CLYBL: variants seen among roughly 807,000 people sequenced by gnomAD.
The protein encoded by CLYBL is citramalyl-CoA lyase, also known as citramalyl-CoA lyase, mitochondrial.
Under a neutral mutation model 38.9 loss-of-function variants are expected in CLYBL, and 31 were observed. The observed-to-expected ratio is 0.80, with a 90% CI of 0.60 to 1.08. CLYBL has a LOEUF of 1.08. Ranked by LOEUF, CLYBL falls within the 50% of genes least tolerant of loss-of-function variation. The probability of loss-of-function intolerance (pLI) is 0.00; values close to 1 mark genes in which losing one functional copy is unlikely to be tolerated. For synonymous variants in CLYBL, 171 were observed against 158.6 expected, an observed-to-expected ratio of 1.08 and a Z score of -0.59; for missense variants, 434 against 411.6, an observed-to-expected ratio of 1.05 and a Z score of -0.47.
rs116470036 is a variant in CLYBL at position 99,678,453 on chromosome 13, A to G, written c.62+71696A>G. 2.7e-3 allele frequency among the ~76,000 whole-genome samples: 417 copies of G among 152,336 alleles called. 7 individuals are homozygous for G. Among genetic ancestry groups the G allele is most frequent in the African/African-American group, 9.6e-3 (401 of 41,574 alleles). ...CTCTGCTGAAATCTGCTCTTGGTCT[A>G]TATGTTTGAGTCTACATTGTTGAAG... On this transcript the variant is annotated intron_variant, in intron 1 of 8. Transcript: ENST00000339105.
Position 99,653,109 on chromosome 13 carries a change from C to A in CLYBL, c.62+46352C>A, listed in dbSNP as rs984051207. On this transcript the variant is annotated intron_variant, in intron 1 of 8. Transcript: ENST00000339105. ...ATGTATACTGTTTGTTGGGAAAAGA[C>A]AAGCCAATCTGAAGGGCAAGGGTTT... Among the ~76,000 whole-genome samples, 103 of 152,042 alleles carry A rather than the reference C, an allele frequency of 6.8e-4. 1 individual carries two copies. Among genetic ancestry groups the A allele is most frequent in the Admixed American group, 4.8e-3 (73 of 15,266 alleles).
intron 1 of CLYBL, among the ~76,000 whole-genome samples, chr13:99,645,491 C>G (rs1173339466): frequency 9.1e-6 from 1 of 109,436 alleles, no homozygotes; most frequent in Non-Finnish European, 1.7e-5. Context: ...GAGCAAGACT[C>G]TGTCTCAAAA....
At position 99,773,012 on chromosome 13, in the gene CLYBL, T is replaced by A; in HGVS notation, c.249+2T>A. On this transcript the variant is annotated splice_donor_variant, in intron 2 of 8. Transcript: ENST00000339105. LOFTEE classifies it high-confidence loss of function. Reference sequence around the variant, plus strand: ...GATGGAGTGGCTGCAAACAAAAAGGTAATGGCATGATTTTAGTATGAGAAA... The same window carrying A: ...GATGGAGTGGCTGCAAACAAAAAGGAAATGGCATGATTTTAGTATGAGAAA... 6.2e-7 allele frequency: 1 copy of A among 1,607,032 alleles called. No homozygotes were observed. Among genetic ancestry groups the A allele is most frequent in the Non-Finnish European group, 8.5e-7 (1 of 1,178,322 alleles).
chr13:99,826,324 A>G (rs896933386), intron 2 of CLYBL, among the ~76,000 whole-genome samples: 1 of 152,188 alleles, frequency 6.6e-6, no homozygotes, highest in Admixed American at 6.5e-5. Flanking sequence ...CCTCAGAACC[A>G]TGACATCAAT....
intron 1 of CLYBL, among the ~76,000 whole-genome samples, chr13:99,741,915 A>G (rs1031214820): frequency 6.6e-6 from 1 of 152,206 alleles, no homozygotes; most frequent in East Asian, 1.9e-4. Flanking sequence ...ACCATTCTGC[A>G]TCAGTAGTTC....
intron 4 of CLYBL, among the ~76,000 whole-genome samples, chr13:99,863,376 A>AT (rs1348978769): frequency 6.6e-6 from 1 of 152,218 alleles, no homozygotes; most frequent in African/African-American, 2.4e-5. Flanking sequence ...TCACTGTGTA[A>AT]TTATATGCTT....
At chr13:99,730,473 G>T (rs1338446518) in intron 1 of CLYBL, among the ~76,000 whole-genome samples, 1 of 152,148 alleles carries the variant, frequency 6.6e-6, no homozygotes, top group Non-Finnish European at 1.5e-5. Context: ...ATACAGAACA[G>T]CTCCTGGCAG....
chr13:99,676,362 T>A (rs2047651064), intron 1 of CLYBL, among the ~76,000 whole-genome samples: 1 of 151,968 alleles, frequency 6.6e-6, no homozygotes, highest in Non-Finnish European at 1.5e-5. Context: ...CAGGCTGGAG[T>A]GCAATGGCGC....
At chr13:99,793,834 G>C (rs1331895371) in intron 2 of CLYBL, among the ~76,000 whole-genome samples, 2 of 150,490 alleles carry the variant, frequency 1.3e-5, no homozygotes, top group Admixed American at 6.6e-5. Flanking sequence ...GCTACAGAAA[G>C]CCCGGGCCTA....
intron 6 of CLYBL, among the ~76,000 whole-genome samples, chr13:99,870,499 T>C (rs765465519): frequency 1.3e-5 from 2 of 152,236 alleles, no homozygotes; most frequent in Non-Finnish European, 2.9e-5. Context: ...GAAAGAGGTA[T>C]AATTCTACAA....
chr13:99,858,863 T>C lies in CLYBL; in HGVS notation c.252T>C (p.Asn84=). ...AAACTTTTTATTGACACTTACAGAA[T>C]GAAGCTCGACTGAGAATTGTAAAAA... ...CEDGVAANKK[N]EARLRIVKTL... The change falls in exon 3 of 9, where the codon AAT becomes AAC. Residue 84 remains asparagine, a splice_region_variant and synonymous_variant. Coordinates refer to ENST00000339105, the MANE Select transcript of CLYBL (RefSeq NM_206808.5). The C allele has an allele frequency of 6.3e-7, 1 of 1,596,282 alleles. No individual in the cohort carries two copies. The highest frequency in any genetic ancestry group is 8.5e-7 in the Non-Finnish European group (1 of 1,173,170).
At chr13:99,658,150 GC>G (rs1280696132) in intron 1 of CLYBL, among the ~76,000 whole-genome samples, 1 of 152,248 alleles carries the variant, frequency 6.6e-6, no homozygotes, top group Non-Finnish European at 1.5e-5. Context: ...CCGCCTGCGT[GC>G]GCTCTGCAGA....
At chr13:99,712,502 T>C (rs1368462452) in intron 1 of CLYBL, among the ~76,000 whole-genome samples, 1 of 150,970 alleles carries the variant, frequency 6.6e-6, no homozygotes, top group Admixed American at 6.6e-5. Flanking sequence ...ACCCAGCTAA[T>C]TTTTGTTTTT....
At chr13:99,772,685 A>C in intron 1 of CLYBL, 139 bp from the exon 2 acceptor site, 1 of 710,508 alleles carries the variant, frequency 1.4e-6, no homozygotes. Context: ...CGACAGAGCA[A>C]GACCCTGTCT....
chr13:99,901,399 T>C (rs1299186038), downstream of CLYBL, among the ~76,000 whole-genome samples: 1 of 152,208 alleles, frequency 6.6e-6, no homozygotes, highest in Admixed American at 6.5e-5. Flanking sequence ...GTAAATCGAA[T>C]GTCTTAGGCC....
At chr13:99,820,086 C>T (rs1212098095) in intron 2 of CLYBL, among the ~76,000 whole-genome samples, 3 of 152,182 alleles carry the variant, frequency 2.0e-5, no homozygotes, top group Non-Finnish European at 4.4e-5. Flanking sequence ...GTGTCGGGCC[C>T]TCTCCATCTG....
Position 99,849,738 on chromosome 13 carries a change from A to C in CLYBL, c.250-9123A>C, listed in dbSNP as rs897901128. ...AGGAAAATCCACCAGGAGGAGATGG[A>C]AAAAGGGCAAGGTAAAGAGGAGGAA... is the stretch of plus-strand genomic sequence containing the variant. On this transcript the variant is annotated intron_variant, in intron 2 of 8. Coordinates refer to ENST00000339105, the MANE Select transcript of CLYBL (RefSeq NM_206808.5). The surrounding 1 kb of genome is among the most constrained non-coding windows in gnomAD (Gnocchi z 4.9). Among the ~76,000 whole-genome samples, 19 of 152,144 alleles carry C rather than the reference A, an allele frequency of 1.2e-4. No individual in the cohort carries two copies. Among genetic ancestry groups the C allele is most frequent in the Non-Finnish European group, 5.9e-5 (4 of 68,038 alleles).
chr13:99,660,803 A>G (rs1045511461), intron 1 of CLYBL, among the ~76,000 whole-genome samples: 4 of 152,108 alleles, frequency 2.6e-5, no homozygotes, highest in Admixed American at 2.0e-4. Context: ...GTTTCTTTCA[A>G]TCACAGGCAA....
chr13:99,832,226 C>A (rs1463451396), intron 2 of CLYBL, among the ~76,000 whole-genome samples: 1 of 152,196 alleles, frequency 6.6e-6, no homozygotes, highest in Non-Finnish European at 1.5e-5. Context: ...ATTAGGGAAA[C>A]ACTGAAAACA....
Sources: allele counts gnomAD v4.1 joint callset (sites outside exome capture counted in the v4.1 genomes callset), GRCh38; gene constraint gnomAD v4.1.1; non-coding constraint Gnocchi (gnomAD v3.1); transcripts MANE v1.5; gene names NCBI Gene and HGNC (gene_info 2026-07-23, HGNC 2026-07-21).